The following TMEM132B variants were observed in gnomAD, a reference collection of about 807,000 sequenced individuals.
The protein encoded by TMEM132B is transmembrane protein 132B.
In TMEM132B, 18 loss-of-function variants were observed where a neutral mutation model predicts 90.8. The ratio of observed to expected loss-of-function variants is 0.20; its 90% CI spans 0.14 to 0.29. TMEM132B has a LOEUF of 0.29. Ranked by LOEUF, TMEM132B falls within the 10% of genes least tolerant of loss-of-function variation. The pLI, the probability that TMEM132B is intolerant of heterozygous loss-of-function variation, is 1.00. For synonymous variants in TMEM132B, 504 were observed against 523.3 expected (o/e 0.96, Z 0.50); for missense variants, 1,096 against 1,326.8 (o/e 0.83, Z 2.70).
chr12:125,417,968 G>A (rs897277108), intron 3 of TMEM132B, among the ~76,000 whole-genome samples: 2 of 152,152 alleles, frequency 1.3e-5, no homozygotes, highest in Admixed American at 1.3e-4. Context: ...GATTGTTGGT[G>A]GGCAGCAGAT....
At chr12:125,345,225 A>G (rs1294031695) in intron 1 of TMEM132B, among the ~76,000 whole-genome samples, 1 of 152,160 alleles carries the variant, frequency 6.6e-6, no homozygotes, top group African/African-American at 2.4e-5. Flanking sequence ...TGTGAATTAG[A>G]GGAGACTCAG....
At chr12:125,479,466 T>C (rs1438901255) in intron 3 of TMEM132B, among the ~76,000 whole-genome samples, 1 of 152,136 alleles carries the variant, frequency 6.6e-6, no homozygotes, top group East Asian at 1.9e-4. Flanking sequence ...GCAATCCTAG[T>C]CTCTGATAAA....
intron 3 of TMEM132B, among the ~76,000 whole-genome samples, chr12:125,448,147 C>G (rs1459605869): frequency 6.6e-6 from 1 of 151,928 alleles, no homozygotes; most frequent in Non-Finnish European, 1.5e-5. Flanking sequence ...TCCTGTAATC[C>G]CAGCTACTTA....
intron 1 of TMEM132B, among the ~76,000 whole-genome samples, chr12:125,257,557 G>A (rs1874467248): frequency 1.3e-5 from 2 of 152,200 alleles, no homozygotes; most frequent in South Asian, 4.1e-4. Flanking sequence ...GTCTTGGATG[G>A]TGTGGTAGGC....
intron 3 of TMEM132B, among the ~76,000 whole-genome samples, chr12:125,468,512 G>A (rs1221672672): frequency 6.6e-6 from 1 of 152,164 alleles, no homozygotes; most frequent in African/African-American, 2.4e-5. Flanking sequence ...TTTCACCTTT[G>A]GTGAAGAGAC....
intron 5 of TMEM132B, among the ~76,000 whole-genome samples, chr12:125,629,282 A>C (rs776702735): frequency 2.6e-5 from 4 of 152,012 alleles, no homozygotes; most frequent in Non-Finnish European, 5.9e-5. Context: ...TGAACGTAGA[A>C]TATCTTTCCA....
intron 6 of TMEM132B, among the ~76,000 whole-genome samples, chr12:125,647,593 A>G (rs1886798477): frequency 6.6e-6 from 1 of 152,198 alleles, no homozygotes; most frequent in Non-Finnish European, 1.5e-5. Flanking sequence ...TACCTGGCAA[A>G]AGTATCCTTT....
intron 1 of TMEM132B, among the ~76,000 whole-genome samples, chr12:125,310,388 T>C (rs1378910120): frequency 6.6e-6 from 1 of 152,138 alleles, no homozygotes; most frequent in Non-Finnish European, 1.5e-5. Context: ...AGGGCTCCTG[T>C]TTGCTAGGCA....
At chr12:125,274,375 C>T (rs1874931886) in intron 1 of TMEM132B, among the ~76,000 whole-genome samples, 1 of 152,226 alleles carries the variant, frequency 6.6e-6, no homozygotes, top group Non-Finnish European at 1.5e-5. Flanking sequence ...CACAGACAGG[C>T]CTGAATCCTC....
intron 3 of TMEM132B, among the ~76,000 whole-genome samples, chr12:125,443,071 G>T (rs957567060): frequency 1.3e-5 from 2 of 152,190 alleles, no homozygotes; most frequent in Admixed American, 1.3e-4. Flanking sequence ...GACCTCCCTT[G>T]CTGAGAGAGG....
At chr12:125,315,208 T>C (rs1019028836) in intron 1 of TMEM132B, among the ~76,000 whole-genome samples, 4 of 152,228 alleles carry the variant, frequency 2.6e-5, no homozygotes, top group African/African-American at 9.6e-5. Context: ...TGTTTCTTTG[T>C]TTTGTTTTGA....
At chr12:125,495,352 C>G (rs577272615) in intron 3 of TMEM132B, among the ~76,000 whole-genome samples, 5 of 150,334 alleles carry the variant, frequency 3.3e-5, no homozygotes, top group South Asian at 2.1e-4. Flanking sequence ...CCTCCTCCCC[C>G]TCTTCCCTGG....
At chr12:125,529,390 C>T (rs1283513697) in intron 4 of TMEM132B, among the ~76,000 whole-genome samples, 1 of 152,194 alleles carries the variant, frequency 6.6e-6, no homozygotes, top group Non-Finnish European at 1.5e-5. Context: ...AGCCACTGTG[C>T]CCGGCCTGAA....
rs923655745 is a variant in TMEM132B at position 125,661,735 on chromosome 12, A to G, written c.*7025A>G. On this transcript the variant is annotated 3_prime_UTR_variant, in exon 9 of 9. Transcript: ENST00000682704. The stretch of plus-strand genomic sequence containing the variant: ...AACACCATAACTATGAAAGGCTGAG[A>G]GTGGAGAATTAAGTCATAAGGAAAT... 2 of 152,226 alleles carry G rather than the reference A, an allele frequency of 1.3e-5. No individual in the cohort carries two copies. The highest frequency in any genetic ancestry group is 2.9e-5 in the Non-Finnish European group (2 of 68,050). The allele number at this position is 152,226 out of a possible 1,614,324, so 9.4% of individuals were successfully genotyped here.
Position 125,445,525 on chromosome 12 carries a change from G to C in TMEM132B, c.1106+29848G>C, listed in dbSNP as rs942901220. On this transcript the variant is annotated intron_variant, in intron 3 of 8. Coordinates refer to ENST00000682704, the MANE Select transcript of TMEM132B (RefSeq NM_001366854.1). This position sits in a 1 kb window ranked among gnomAD's most constrained non-coding sequence, Gnocchi z 4.3. ...ACTGGAGGAACATGGTAGGAGGAGGGATCTGCATCTGGAGTGCTGCTCTTT... is the reference window on the plus strand; with the variant it reads ...ACTGGAGGAACATGGTAGGAGGAGGCATCTGCATCTGGAGTGCTGCTCTTT... Among the ~76,000 whole-genome samples, 1 of 152,236 alleles carries C rather than the reference G, an allele frequency of 6.6e-6. No individual in the cohort carries two copies. The highest frequency in any genetic ancestry group is 1.5e-5 in the Non-Finnish European group (1 of 68,046).
chr12:125,209,877 A>G lies in TMEM132B; in HGVS notation c.67+23011A>G, dbSNP rs118145035. On this transcript the variant is annotated intron_variant, in intron 1 of 8. Coordinates refer to ENST00000682704, the MANE Select transcript of TMEM132B (RefSeq NM_001366854.1). The surrounding 1 kb of genome is among the most constrained non-coding windows in gnomAD (Gnocchi z 4.4). Reference sequence around the variant, plus strand: ...CTTCACTGGAGATAAATACTGTTAGATGGCCAGAGTGTCTTCCTCGCCTTG... The same window carrying G: ...CTTCACTGGAGATAAATACTGTTAGGTGGCCAGAGTGTCTTCCTCGCCTTG... Among the ~76,000 whole-genome samples, 4,511 of 152,270 alleles carry G rather than the reference A, an allele frequency of 0.03. 82 individuals are homozygous for G. Among genetic ancestry groups the G allele is most frequent in the Non-Finnish European group, 0.045 (3,085 of 68,022 alleles).
Position 125,415,481 on chromosome 12 carries a change from A to G in TMEM132B, c.960-50A>G. On this transcript the variant is annotated intron_variant, in intron 2 of 8. Transcript: ENST00000682704. This position sits in a 1 kb window ranked among gnomAD's most constrained non-coding sequence, Gnocchi z 5.3. The stretch of plus-strand genomic sequence containing the variant: ...GTGCCATCTTTTACTACCTGTTTCA[A>G]ACTAAAATGGTTTTATTATATATAA... 6.3e-6 allele frequency: 10 copies of G among 1,596,718 alleles called. No homozygotes were observed. The highest frequency in any genetic ancestry group is 8.5e-6 in the Non-Finnish European group (10 of 1,170,562).
At chr12:125,604,735 T>C (rs79361778) in intron 5 of TMEM132B, among the ~76,000 whole-genome samples, 2,710 of 152,306 alleles carry the variant, frequency 0.018, 36 homozygotes, top group Middle Eastern at 0.031. Flanking sequence ...ATTTTTTCGT[T>C]TTTGTAGGCA....
intron 2 of TMEM132B, among the ~76,000 whole-genome samples, chr12:125,409,599 G>GTGGAGT (rs60428449): frequency 9.7e-6 from 1 of 102,692 alleles, no homozygotes; most frequent in African/African-American, 5.5e-5. Flanking sequence ...GTGGAGTGGA[G>GTGGAGT]GAGTGGAGTG....
Sources: allele counts gnomAD v4.1 joint callset (sites outside exome capture counted in the v4.1 genomes callset), GRCh38; gene constraint gnomAD v4.1.1; non-coding constraint Gnocchi (gnomAD v3.1); transcripts MANE v1.5; gene names NCBI Gene and HGNC (gene_info 2026-07-23, HGNC 2026-07-21).